The following LSS variants were observed in gnomAD, a reference collection of about 807,000 sequenced individuals.
LSS encodes lanosterol synthase.
A neutral mutation model predicts 110.3 loss-of-function variants in LSS; 90 were observed. The ratio of observed to expected loss-of-function variants is 0.82; its 90% CI spans 0.69 to 0.97. LSS has a LOEUF of 0.97. LSS is among the 50% of genes least tolerant of loss of function. LSS has a pLI of 0.00. For synonymous variants in LSS, 433 were observed against 400.0 expected, an observed-to-expected ratio of 1.08 and a Z score of -0.98; for missense variants, 927 against 990.0, an observed-to-expected ratio of 0.94 and a Z score of 0.85.
At chr21:46,224,420 C>T (rs6518283) in intron 3 of LSS, among the ~76,000 whole-genome samples, 130,526 of 152,098 alleles carry the variant, frequency 0.86, 56,590 homozygotes, top group African/African-American at 0.93. Flanking sequence ...CTTTGTCTTG[C>T]GTCTTTATTT....
intron 14 of LSS, among the ~76,000 whole-genome samples, chr21:46,207,847 C>A (rs908971643): frequency 6.6e-6 from 1 of 152,222 alleles, no homozygotes; most frequent in African/African-American, 2.4e-5. Flanking sequence ...GTGCCCCCCA[C>A]CCCCATTGTA....
intron 4 of LSS, chr21:46,222,200 G>A (rs2080287755): frequency 5.2e-6 from 3 of 579,866 alleles, no homozygotes; most frequent in African/African-American, 3.7e-5. Context: ...TGACCCGCCT[G>A]CTCTACACCT....
At chr21:46,221,499 G>A (rs2080278909) in intron 5 of LSS, among the ~76,000 whole-genome samples, 1 of 152,110 alleles carries the variant, frequency 6.6e-6, no homozygotes, top group Non-Finnish European at 1.5e-5. Flanking sequence ...TGAGACTACA[G>A]GTGCATATCA....
In LSS at chr21:46,189,852, G is replaced by C. The variant is rs922982798; in HGVS notation, c.*1252C>G. On this transcript the variant is annotated 3_prime_UTR_variant, in exon 22 of 22. Transcript: ENST00000397728. The stretch of plus-strand genomic sequence containing the variant: ...CAGTAGCCAGGGGAGAGCAGTGACA[G>C]TCTCAGGTGGCCCTGAGCATGTGAG... 2.6e-6 allele frequency: 1 copy of C among 387,914 alleles called. No homozygotes were observed. Among genetic ancestry groups the C allele is most frequent in the Non-Finnish European group, 5.1e-6 (1 of 197,852 alleles). 24.0% of individuals were successfully genotyped at this position (387,914 alleles called of 1,614,324 possible). A position where few individuals can be genotyped will look rare whatever the true frequency, so the allele number is the denominator to read the frequency against.
chr21:46,227,742 C>T (rs1172668967), intron 2 of LSS, 52 bp from the exon 3 acceptor site: 2 of 1,601,656 alleles, frequency 1.2e-6, no homozygotes, highest in Admixed American at 1.7e-5. Context: ...GACTGTTGCC[C>T]GGCCAGAGGA....
intron 15 of LSS, 92 bp from the exon 16 acceptor site, chr21:46,206,860 G>C: frequency 1.1e-6 from 1 of 921,426 alleles, no homozygotes; most frequent in Non-Finnish European, 1.8e-6. Flanking sequence ...GGCAACACTA[G>C]GGCTGACAAC....
chr21:46,198,312 C>T (rs2079935713), intron 17 of LSS, among the ~76,000 whole-genome samples: 1 of 147,958 alleles, frequency 6.8e-6, no homozygotes, highest in African/African-American at 2.5e-5. Context: ...CAGCAATGAA[C>T]AATTAGATTT....
intron 17 of LSS, among the ~76,000 whole-genome samples, chr21:46,200,095 G>T (rs552922160): frequency 2.6e-5 from 4 of 152,214 alleles, no homozygotes; most frequent in South Asian, 4.1e-4. Flanking sequence ...TGCTATAAAA[G>T]ATAAAGTACA....
In LSS at chr21:46,190,882, G is replaced by T; in HGVS notation, c.*222C>A. The T allele has an allele frequency of 1.8e-6, 1 of 566,166 alleles. No individual in the cohort carries two copies. The allele number at this position is 566,166 out of a possible 1,614,324, so 35.1% of individuals were successfully genotyped here. The stretch of plus-strand genomic sequence containing the variant: ...TGTGCCCCCTTCCTCACCCAAGCCC[G>T]ACAAGCTACTTTCAGAAATGAACCT... On this transcript the variant is annotated 3_prime_UTR_variant, in exon 22 of 22. Transcript: ENST00000397728. The surrounding 1 kb of genome is among the most constrained non-coding windows in gnomAD (Gnocchi z 4.6).
Position 46,206,708 on chromosome 21 carries a change from G to T in LSS, c.1528C>A (p.His510Asn). The T allele has an allele frequency of 6.2e-7, 1 of 1,612,954 alleles. No homozygotes were observed. ...FATYETKRGGHLLELLNPSEV... is the reference protein window; with the variant it reads ...FATYETKRGGNLLELLNPSEV... ...GAGGGGTTCAGCAGCTCCAGCAAGTGCCCCCCACGCTTGGTCTCATAGGTG... is the reference window on the plus strand; with the variant it reads ...GAGGGGTTCAGCAGCTCCAGCAAGTTCCCCCCACGCTTGGTCTCATAGGTG... The change falls in exon 16 of 22, where the codon CAC (histidine) becomes AAC (asparagine). Residue 510 changes from histidine (H) to asparagine (N), a missense_variant. His to Asn is a moderately conservative substitution (Grantham distance 68, BLOSUM62 1). Transcript: ENST00000397728.
At chr21:46,212,658 A>G (rs1458732143) in intron 11 of LSS, among the ~76,000 whole-genome samples, 1 of 152,186 alleles carries the variant, frequency 6.6e-6, no homozygotes, top group African/African-American at 2.4e-5. Flanking sequence ...GACCTTTAAG[A>G]AGAAGCCCCT....
intron 17 of LSS, among the ~76,000 whole-genome samples, chr21:46,200,311 T>C (rs909759679): frequency 2.5e-4 from 38 of 152,204 alleles, no homozygotes; most frequent in African/African-American, 8.4e-4. Context: ...GCAAGAATCA[T>C]CATCAAATGC....
rs1368105241 is a variant in LSS at position 46,205,890 on chromosome 21, T to C, written c.1616A>G (p.Gln539Arg). Reference sequence around the variant, plus strand: ...ACGCTTGTGGAAATACTTAAGCGCCTGCATCACGGCTGAGGTGCACTCCAC... The same window carrying C: ...ACGCTTGTGGAAATACTTAAGCGCCCGCATCACGGCTGAGGTGCACTCCAC... ...TYVECTSAVM[Q>R]ALKYFHKRFP... is the part of the protein sequence containing the mutation. The change falls in exon 17 of 22, where the codon CAG becomes CGG. Residue 539 changes from glutamine to arginine, a missense_variant. By Grantham distance (43) the Gln-to-Arg change is conservative. Transcript: ENST00000397728. 6.2e-7 allele frequency: 1 copy of C among 1,611,504 alleles called. No individual in the cohort carries two copies. Among genetic ancestry groups the C allele is most frequent in the Non-Finnish European group, 8.5e-7 (1 of 1,179,030 alleles).
intron 20 of LSS, chr21:46,192,162 G>C: frequency 3.2e-6 from 2 of 616,600 alleles, no homozygotes; most frequent in Non-Finnish European, 5.8e-6. Context: ...CCTGAGAAGC[G>C]GAGCCACAGC....
intron 21 of LSS, 122 bp downstream of exon 21, chr21:46,191,759 G>T (rs1435124034): frequency 1.3e-6 from 1 of 785,974 alleles, no homozygotes; most frequent in Non-Finnish European, 2.1e-6. Context: ...CACTGGCAGA[G>T]GTGACGCCTC....
intron 3 of LSS, chr21:46,224,687 C>T (rs796224081): frequency 1.4e-4 from 21 of 152,382 alleles, no homozygotes; most frequent in African/African-American, 4.8e-4. Flanking sequence ...AATGGTGGGG[C>T]TAGGAGGTCA....
At chr21:46,225,282 A>C (rs148982990) in intron 3 of LSS, 4,413 of 382,302 alleles carry the variant, frequency 0.012, 50 homozygotes, top group Non-Finnish European at 0.016. Context: ...CCAGAAGACA[A>C]GAGTGAGAGC....
intron 19 of LSS, among the ~76,000 whole-genome samples, chr21:46,195,033 C>T (rs943466501): frequency 6.6e-6 from 1 of 152,214 alleles, no homozygotes; most frequent in Admixed American, 6.5e-5. Context: ...GACAGTGGGG[C>T]AGCTGGAGAC....
chr21:46,194,380 C>A, intron 20 of LSS, 111 bp downstream of exon 20: 2 of 1,320,908 alleles, frequency 1.5e-6, no homozygotes, highest in Middle Eastern at 2.6e-4. Flanking sequence ...CTGACCTGGC[C>A]CACAGGCCTC....
Sources: allele counts gnomAD v4.1 joint callset (sites outside exome capture counted in the v4.1 genomes callset), GRCh38; gene constraint gnomAD v4.1.1; non-coding constraint Gnocchi (gnomAD v3.1); transcripts MANE v1.5; gene names NCBI Gene and HGNC (gene_info 2026-07-23, HGNC 2026-07-21).